UHRF1: variants seen among roughly 807,000 people sequenced by gnomAD.
UHRF1 encodes the protein E3 ubiquitin-protein ligase UHRF1.
UHRF1 carries 9 observed loss-of-function variants against 96.5 expected under a neutral mutation model. The ratio of observed to expected loss-of-function variants is 0.09; its 90% CI spans 0.06 to 0.16. The LOEUF is 0.16. UHRF1 is among the 10% of genes least tolerant of loss of function. The pLI is 1.00. For synonymous variants in UHRF1, 455 were observed against 469.9 expected, an observed-to-expected ratio of 0.97 and a Z score of 0.41; for missense variants, 626 against 1,131.1, an observed-to-expected ratio of 0.55 and a Z score of 6.40.
chr19:4,947,061 T>C, intron 10 of UHRF1, 44 bp from the exon 11 acceptor site: 2 of 1,473,886 alleles, frequency 1.4e-6, no homozygotes, highest in Non-Finnish European at 1.9e-6. Flanking sequence ...TTTTTTTTTT[T>C]TTGCCTCTGC....
At chr19:4,916,080 C>T (rs983539627) in intron 2 of UHRF1, among the ~76,000 whole-genome samples, 7 of 152,070 alleles carry the variant, frequency 4.6e-5, no homozygotes, top group African/African-American at 1.2e-4. Context: ...GAGGCTGAGG[C>T]GAGGATCGCT....
intron 2 of UHRF1, among the ~76,000 whole-genome samples, chr19:4,927,259 A>C (rs2032901153): frequency 6.6e-6 from 1 of 150,970 alleles, no homozygotes; most frequent in African/African-American, 2.4e-5. Flanking sequence ...TCATGCCTAT[A>C]GTCCCAAGCT....
chr19:4,935,940 C>T (rs550298996), intron 5 of UHRF1, among the ~76,000 whole-genome samples: 1 of 152,314 alleles, frequency 6.6e-6, no homozygotes, highest in Non-Finnish European at 1.5e-5. Context: ...CTTCCTCCAC[C>T]TCAGTCCCTC....
intron 15 of UHRF1, 98 bp from the exon 16 acceptor site, chr19:4,956,611 G>T (rs1407076859): frequency 2.6e-6 from 2 of 771,416 alleles, no homozygotes; most frequent in Non-Finnish European, 2.3e-6. Context: ...GCTGGGGACA[G>T]AATTAGAGGA....
At chr19:4,935,023 G>A (rs892376909) in intron 5 of UHRF1, among the ~76,000 whole-genome samples, 6 of 152,012 alleles carry the variant, frequency 3.9e-5, no homozygotes, top group African/African-American at 1.4e-4. Flanking sequence ...ACCCAGGCTG[G>A]AATGCAGTGG....
chr19:4,903,195 T>A (rs375707326), exon 1 of UHRF1: 6 of 241,932 alleles, frequency 2.5e-5, no homozygotes, highest in South Asian at 1.6e-4. Context: ...CCCAGCTAAT[T>A]TTTTGGTAGA....
chr19:4,954,817 A>G lies in UHRF1; in HGVS notation c.2125A>G (p.Ser709Gly). Residue 709 changes from serine (S) to glycine (G), a missense_variant, in exon 15 of 17, where the codon AGC (serine) becomes GGC (glycine). Transcript: ENST00000650932. This position sits in a 1 kb window ranked among gnomAD's most constrained non-coding sequence, Gnocchi z 5.9. ...ACTCAAGGACCGGCCGGCGAGCGGCAGCCCGGTAGGCTCGCACGGCTCACT... is the reference window on the plus strand; with the variant it reads ...ACTCAAGGACCGGCCGGCGAGCGGCGGCCCGGTAGGCTCGCACGGCTCACT... ...ASLKDRPASG[S>G]PFQLFLSKVE... The G allele has an allele frequency of 1.2e-6, 2 of 1,613,716 alleles. No homozygotes were observed. Among genetic ancestry groups the G allele is most frequent in the South Asian group, 2.2e-5 (2 of 91,068 alleles).
rs2033009691 is a variant in UHRF1 at position 4,930,367 on chromosome 19, C to G, written c.409-349C>G. Among the ~76,000 whole-genome samples the G allele has an allele frequency of 6.6e-6, 1 of 152,206 alleles. No individual in the cohort carries two copies. The highest frequency in any genetic ancestry group is 2.1e-4 in the South Asian group (1 of 4,824). ...AAGCGATCCACCTGCCTCGGCCTCCCAAAGTGCTGGTATTCCAGGCGTGAG... is the reference window on the plus strand; with the variant it reads ...AAGCGATCCACCTGCCTCGGCCTCCGAAAGTGCTGGTATTCCAGGCGTGAG... On this transcript the variant is annotated intron_variant, in intron 3 of 16. Transcript: ENST00000650932. This position sits in a 1 kb window ranked among gnomAD's most constrained non-coding sequence, Gnocchi z 4.4.
At chr19:4,912,237 G>A (rs967360821) in intron 2 of UHRF1, among the ~76,000 whole-genome samples, 23 of 152,304 alleles carry the variant, frequency 1.5e-4, no homozygotes, top group African/African-American at 5.5e-4. Context: ...AGGCAGGGCC[G>A]GGCTCGACAG....
chr19:4,959,793 G>A (rs573865354), intron 16 of UHRF1, among the ~76,000 whole-genome samples: 2 of 151,452 alleles, frequency 1.3e-5, no homozygotes, highest in East Asian at 3.9e-4. Flanking sequence ...GCCTCAGCCT[G>A]CCTCCCTGGG....
chr19:4,932,695 A>G, intron 4 of UHRF1, 46 bp from the exon 5 acceptor site: 1 of 1,596,846 alleles, frequency 6.3e-7, no homozygotes, highest in Middle Eastern at 1.7e-4. Flanking sequence ...TGAGGGAAGG[A>G]GGCTTGGTCT....
rs1462938582 is a variant in UHRF1, at chr19:4,910,939, G to A, written c.54G>A (p.Ser18=). Residue 18 remains serine, a synonymous_variant, in exon 2 of 17, where the codon TCG becomes TCA. Transcript: ENST00000650932. ...MDGRQTHTVD[S]LSRLTKVEEL... is the part of the protein sequence containing the mutation. ...GGAGGCAGACCCACACGGTGGACTC[G>A]CTGTCCAGGCTGACCAAGGTGGAGG... 1.2e-6 allele frequency: 2 copies of A among 1,613,570 alleles called. No individual in the cohort carries two copies. The highest frequency in any genetic ancestry group is 1.7e-6 in the Non-Finnish European group (2 of 1,179,646).
At chr19:4,905,579 G>A (rs1406370936), upstream of UHRF1, among the ~76,000 whole-genome samples, 3 of 151,784 alleles carry the variant, frequency 2.0e-5, no homozygotes, top group Non-Finnish European at 4.4e-5. Context: ...GTTCAGTGGT[G>A]CAATCTCGGC....
chr19:4,939,240 T>TA lies in UHRF1; in HGVS notation c.786-2286dup, dbSNP rs36118472. Among the ~76,000 whole-genome samples the TA allele has an allele frequency of 2.6e-4, 31 of 118,822 alleles. 1 individual carries two copies. In the South Asian group the frequency reaches 3.5e-3, roughly 14 times the overall value. The allele number at this position is 118,822 out of a possible 152,430, so 78.0% of individuals were successfully genotyped here. A position where few individuals can be genotyped will look rare whatever the true frequency, so the allele number is the denominator to read the frequency against. On this transcript the variant is annotated intron_variant, in intron 5 of 16. Coordinates refer to ENST00000650932, the MANE Select transcript of UHRF1 (RefSeq NM_001048201.3). Reference sequence around the variant, plus strand: ...GCCATTTTTTTTTTTTTTTTTTTTTTAATTTTCGGTAGCAATGGGGGTCTG... The same window carrying TA: ...GCCATTTTTTTTTTTTTTTTTTTTTTAAATTTTCGGTAGCAATGGGGGTCTG...
chr19:4,931,254 C>T (rs2033042563), intron 4 of UHRF1, among the ~76,000 whole-genome samples: 2 of 152,208 alleles, frequency 1.3e-5, no homozygotes, highest in Admixed American at 1.3e-4. Flanking sequence ...GGGGTCCACA[C>T]ACCAGTGGAC....
intron 5 of UHRF1, among the ~76,000 whole-genome samples, chr19:4,941,001 T>A (rs1205933858): frequency 6.6e-6 from 1 of 151,918 alleles, no homozygotes; most frequent in East Asian, 1.9e-4. Context: ...TTGTCGGTTC[T>A]TGTGGATTTG....
chr19:4,915,384 G>T (rs2032454963), intron 2 of UHRF1, among the ~76,000 whole-genome samples: 1 of 152,200 alleles, frequency 6.6e-6, no homozygotes, highest in South Asian at 2.1e-4. Context: ...CTGTAAACCG[G>T]TGGGCGTGGC....
intron 2 of UHRF1, among the ~76,000 whole-genome samples, chr19:4,922,534 C>T (rs1381288719): frequency 2.6e-5 from 4 of 152,226 alleles, no homozygotes; most frequent in Non-Finnish European, 4.4e-5. Context: ...TCCCCAAGTG[C>T]TGGGATTACA....
In UHRF1 at chr19:4,944,353, G is replaced by A; in HGVS notation, c.1208G>A (p.Cys403Tyr). ...SQRDWGKGMA[C>Y]VGRTKECTIV... is the part of the protein sequence containing the mutation. ...CTGTGCCTGGGACAGGGCATGGCCTGTGTGGGCCGCACCAAGGAATGTACC... is the reference window on the plus strand; with the variant it reads ...CTGTGCCTGGGACAGGGCATGGCCTATGTGGGCCGCACCAAGGAATGTACC... Residue 403 changes from cysteine (C) to tyrosine (Y), a missense_variant, in exon 9 of 17, where the codon TGT (cysteine) becomes TAT (tyrosine). This residue lies in a region of UHRF1 where 69 missense variants were observed against 159.8 expected (regional missense o/e 0.43). Transcript: ENST00000650932. The A allele has an allele frequency of 6.2e-7, 1 of 1,614,048 alleles. No individual in the cohort carries two copies. Among genetic ancestry groups the A allele is most frequent in the African/African-American group, 1.3e-5 (1 of 75,068 alleles).
Sources: gnomAD v4.1 joint callset for allele counts (sites outside exome capture counted in the v4.1 genomes callset) on GRCh38, gnomAD v4.1.1 for gene constraint, gnomAD v4.1.1 regional missense constraint, Gnocchi (gnomAD v3.1) non-coding constraint, MANE v1.5 for transcripts, NCBI Gene and HGNC (gene_info 2026-07-23, HGNC 2026-07-21) for gene names.